The following GRM4 variants were observed in gnomAD, a reference collection of about 807,000 sequenced individuals.
GRM4 encodes metabotropic glutamate receptor 4.
GRM4 carries 28 observed loss-of-function variants against 81.7 expected under a neutral mutation model. That is an observed-to-expected ratio of 0.34 (90% confidence interval 0.25 to 0.47). The LOEUF is 0.47. GRM4 is among the 20% of genes least tolerant of loss of function. The pLI is 1.00. For synonymous variants in GRM4, 488 were observed against 528.8 expected (o/e 0.92, Z 1.06); for missense variants, 948 against 1,290.0 (o/e 0.73, Z 4.06).
chr6:34,058,115 T>C (rs1434932157), intron 5 of GRM4, among the ~76,000 whole-genome samples: 1 of 151,812 alleles, frequency 6.6e-6, no homozygotes. Context: ...GGGGGACAGA[T>C]GTGGTCTTTG....
chr6:34,124,734 T>C (rs1769954440), intron 2 of GRM4, among the ~76,000 whole-genome samples: 1 of 152,194 alleles, frequency 6.6e-6, no homozygotes, highest in Admixed American at 6.5e-5. Context: ...AGATGGCCAG[T>C]AGGTTCAGTA....
At chr6:34,122,948 T>A (rs1769874813) in intron 2 of GRM4, among the ~76,000 whole-genome samples, 1 of 152,158 alleles carries the variant, frequency 6.6e-6, no homozygotes, top group Non-Finnish European at 1.5e-5. Flanking sequence ...AAGAAGGGCA[T>A]TCCAGAAGGA....
intron 10 of GRM4, among the ~76,000 whole-genome samples, chr6:34,025,056 C>G (rs1305995130): frequency 1.3e-5 from 2 of 152,138 alleles, no homozygotes. Flanking sequence ...GGGCGGGAGC[C>G]GAGATTCTAG....
At chr6:34,105,666 A>G (rs1422096454) in intron 2 of GRM4, among the ~76,000 whole-genome samples, 1 of 152,014 alleles carries the variant, frequency 6.6e-6, no homozygotes, top group Non-Finnish European at 1.5e-5. Flanking sequence ...TCACCATGGC[A>G]GGCGAGGAGA....
At chr6:34,150,755 G>A (rs1338418261), upstream of GRM4, among the ~76,000 whole-genome samples, 1 of 152,230 alleles carries the variant, frequency 6.6e-6, no homozygotes, top group Non-Finnish European at 1.5e-5. Flanking sequence ...GAGGAAGCAG[G>A]AAAACTGCTT....
At chr6:34,076,403 C>T (rs1158484822) in intron 3 of GRM4, among the ~76,000 whole-genome samples, 1 of 152,160 alleles carries the variant, frequency 6.6e-6, no homozygotes, top group African/African-American at 2.4e-5. Context: ...CTCTGGCTCC[C>T]GCAGGCCACT....
chr6:34,094,847 G>GC (rs535286371), intron 2 of GRM4, among the ~76,000 whole-genome samples: 28 of 152,196 alleles, frequency 1.8e-4, no homozygotes, highest in Non-Finnish European at 3.2e-4. Flanking sequence ...GGAAACAGAG[G>GC]CCCCCCCAAG....
In GRM4 at chr6:34,042,337, C is replaced by T. The variant is rs544584578; in HGVS notation, c.1169-1589G>A. 1.6e-4 allele frequency among the ~76,000 whole-genome samples: 25 copies of T among 152,278 alleles called. No individual in the cohort carries two copies. The South Asian group carries it at 5.2e-3, about 32-fold the overall frequency. ...ACGACTATGAAAAGCTGATGTGAAC[C>T]CAGGTACTCCAACTCCAACCCTGAG... On this transcript the variant is annotated intron_variant, in intron 6 of 10. Transcript: ENST00000538487. This position sits in a 1 kb window ranked among gnomAD's most constrained non-coding sequence, Gnocchi z 4.2.
intron 2 of GRM4, among the ~76,000 whole-genome samples, chr6:34,113,847 A>G (rs1352389901): frequency 6.6e-6 from 1 of 152,148 alleles, no homozygotes. Context: ...CTCCAAGGCT[A>G]TCTACTGCAC....
chr6:34,154,590 T>TACACACACACACACAC (rs57603011), intron 1 of GRM4, among the ~76,000 whole-genome samples: 89 of 145,088 alleles, frequency 6.1e-4, no homozygotes, highest in East Asian at 2.1e-3. Flanking sequence ...TGGTCCTGAC[T>TACACACACACACACAC]ACACACACAC....
At chr6:34,123,385 G>A (rs372456593) in intron 2 of GRM4, among the ~76,000 whole-genome samples, 4 of 152,076 alleles carry the variant, frequency 2.6e-5, no homozygotes, top group East Asian at 1.9e-4. Flanking sequence ...CACACCCCTC[G>A]AACGCCCCTT....
chr6:34,084,617 G>T (rs1767790167), intron 3 of GRM4, among the ~76,000 whole-genome samples: 1 of 152,146 alleles, frequency 6.6e-6, no homozygotes, highest in African/African-American at 2.4e-5. Context: ...CGCGACCCCA[G>T]CACGACCCCA....
chr6:34,130,127 C>T lies in GRM4; in HGVS notation c.519+2851G>A, dbSNP rs970917107. On this transcript the variant is annotated intron_variant, in intron 2 of 10. Transcript: ENST00000538487. The surrounding 1 kb of genome is among the most constrained non-coding windows in gnomAD (Gnocchi z 4.1). ...GGCTCCTGCTCCCGACCTCCCTCCC[C>T]AAAGTTCAATCTTTTTGCTTCTGTA... is the stretch of plus-strand genomic sequence containing the variant. 1.1e-4 allele frequency among the ~76,000 whole-genome samples: 16 copies of T among 152,294 alleles called. No homozygotes were observed. Among genetic ancestry groups the T allele is most frequent in the Admixed American group, 9.1e-4 (14 of 15,304 alleles).
At chr6:34,103,511 C>A in intron 2 of GRM4, 8 of 1,259,666 alleles carry the variant, frequency 6.4e-6, no homozygotes, top group Non-Finnish European at 8.9e-6. Context: ...CGAGGGAGAG[C>A]AAACGCGATC....
intron 1 of GRM4, among the ~76,000 whole-genome samples, chr6:34,141,230 C>T (rs1770678405): frequency 6.6e-6 from 1 of 152,146 alleles, no homozygotes; most frequent in Admixed American, 6.5e-5. Context: ...GCTGGTGGCC[C>T]AGCCCGGGGA....
At chr6:34,091,522 G>A (rs1024648710) in intron 3 of GRM4, 18 of 234,600 alleles carry the variant, frequency 7.7e-5, no homozygotes, top group Non-Finnish European at 1.2e-4. Context: ...CTGGCTGTCC[G>A]CCCATCACCT....
chr6:34,071,855 C>G lies in GRM4; in HGVS notation c.737-9827G>C, dbSNP rs1344416769. On this transcript the variant is annotated intron_variant, in intron 3 of 10. Coordinates refer to ENST00000538487, the MANE Select transcript of GRM4 (RefSeq NM_000841.4). ...GCACCACACAGATACAAACCACACA[C>G]ACAACCATACATCAACACACAGCTA... is the stretch of plus-strand genomic sequence containing the variant. 3.2e-5 allele frequency among the ~76,000 whole-genome samples: 3 copies of G among 95,152 alleles called. No homozygotes were observed. In the South Asian group the frequency reaches 1.0e-3, roughly 33 times the overall value. The allele number at this position is 95,152 out of a possible 152,430, so 62.4% of individuals were successfully genotyped here. A position where few individuals can be genotyped will look rare whatever the true frequency, so the allele number is the denominator to read the frequency against.
rs1404527206 is a variant in GRM4, at chr6:34,074,892, C to T, written c.737-12864G>A. On this transcript the variant is annotated intron_variant, in intron 3 of 10. Coordinates refer to ENST00000538487, the MANE Select transcript of GRM4 (RefSeq NM_000841.4). This position sits in a 1 kb window ranked among gnomAD's most constrained non-coding sequence, Gnocchi z 4.9. ...CCCCCCAGAGGTCCCTACCCCAGGT[C>T]AACCCACCCAGGCCCTACTGTCCCC... is the stretch of plus-strand genomic sequence containing the variant. Among the ~76,000 whole-genome samples, 3 of 152,154 alleles carry T rather than the reference C, an allele frequency of 2.0e-5. No individual in the cohort carries two copies. Among genetic ancestry groups the T allele is most frequent in the African/African-American group, 7.2e-5 (3 of 41,436 alleles).
At position 34,028,149 on chromosome 6, in the gene GRM4, G is replaced by C; in HGVS notation, c.2660C>G (p.Ser887Cys). 2 of 1,613,834 alleles carry C rather than the reference G, an allele frequency of 1.2e-6. No individual in the cohort carries two copies. Among genetic ancestry groups the C allele is most frequent in the Non-Finnish European group, 1.7e-6 (2 of 1,179,908 alleles). ...GGCCTCAAGGTTCTCGCAGAGCTCA[G>C]ACTTGGCCTCTCCGTTGGGCCGGAA... is the stretch of plus-strand genomic sequence containing the variant. ...GNFRPNGEAK[S>C]ELCENLEAPA... Residue 887 changes from serine (S) to cysteine (C), a missense_variant, in exon 10 of 11, where the codon TCT becomes TGT. Transcript: ENST00000538487.
Sources: gnomAD v4.1 joint callset for allele counts (sites outside exome capture counted in the v4.1 genomes callset) on GRCh38, gnomAD v4.1.1 for gene constraint, Gnocchi (gnomAD v3.1) non-coding constraint, MANE v1.5 for transcripts, NCBI Gene and HGNC (gene_info 2026-07-23, HGNC 2026-07-21) for gene names.